Variants in MAP3K1 observed in about 807,000 individuals in gnomAD.
MAP3K1 encodes MAP/ERK kinase kinase 1.
A neutral mutation model predicts 144.2 loss-of-function variants in MAP3K1; 36 were observed. The ratio of observed to expected loss-of-function variants is 0.25; its 90% CI spans 0.19 to 0.33. MAP3K1 has a LOEUF of 0.33. Among genes scored for constraint, MAP3K1 ranks in the 10% least tolerant of loss-of-function variants. The pLI is 1.00. For missense variants in MAP3K1, 1,650 were observed against 1,881.9 expected (o/e 0.88, Z 2.28); for synonymous variants, 718 against 688.7 (o/e 1.04, Z -0.67).
intron 1 of MAP3K1, among the ~76,000 whole-genome samples, chr5:56,849,281 G>A (rs1747092005): frequency 6.6e-6 from 1 of 151,814 alleles, no homozygotes; most frequent in African/African-American, 2.4e-5. Context: ...ATTGGGAAGT[G>A]GAGGTTGCAG....
intron 1 of MAP3K1, among the ~76,000 whole-genome samples, chr5:56,829,306 C>T (rs903942680): frequency 2.0e-5 from 3 of 151,644 alleles, no homozygotes; most frequent in Non-Finnish European, 4.4e-5. Context: ...CTTCAGCCTC[C>T]TGCGTAGCTG....
chr5:56,882,943 C>G, intron 14 of MAP3K1, 77 bp downstream of exon 14: 4 of 1,158,172 alleles, frequency 3.5e-6, no homozygotes, highest in African/African-American at 1.5e-5. Context: ...AATTCCAGCA[C>G]TTGGGGAGGC....
rs1211934332 is a variant in MAP3K1, at chr5:56,816,002, C to T, written c.429C>T (p.Pro143=). The stretch of plus-strand genomic sequence containing the variant: ...CCTCGAGTCCCGCAGCGGCCGAGCC[C>T]GGGGAGAAGCGGGCGCCCGCCGCCG... ...SGASSPAAAE[P]GEKRAPAAEP... The change falls in exon 1 of 20, where the codon CCC becomes CCT. Residue 143 remains proline, a synonymous_variant. Transcript: ENST00000399503. 4 of 1,226,530 alleles carry T rather than the reference C, an allele frequency of 3.3e-6. No homozygotes were observed. In the African/African-American group the frequency reaches 4.7e-5, roughly 14 times the overall value. 76.0% of individuals were successfully genotyped at this position (1,226,530 alleles called of 1,614,324 possible).
chr5:56,826,128 C>T (rs1746306437), intron 1 of MAP3K1, among the ~76,000 whole-genome samples: 2 of 152,178 alleles, frequency 1.3e-5, no homozygotes, highest in African/African-American at 4.8e-5. Context: ...TCTTTCTCGG[C>T]GTGCCCAATG....
intron 10 of MAP3K1, 136 bp downstream of exon 10, chr5:56,875,446 T>G: frequency 1.1e-6 from 1 of 889,364 alleles, no homozygotes; most frequent in Non-Finnish European, 1.8e-6. Context: ...ATTCCATAAT[T>G]CCAGGAAATT....
chr5:56,893,343 A>G (rs753700780), intron 19 of MAP3K1, among the ~76,000 whole-genome samples, 188 bp from the exon 20 acceptor site: 1 of 152,236 alleles, frequency 6.6e-6, no homozygotes, highest in Non-Finnish European at 1.5e-5. Flanking sequence ...AAAGATTGTT[A>G]GAGAAAACCT....
chr5:56,884,960 T>C, intron 16 of MAP3K1, 134 bp downstream of exon 16: 1 of 706,986 alleles, frequency 1.4e-6, no homozygotes, highest in Non-Finnish European at 2.4e-6. Flanking sequence ...CCCAATATAT[T>C]AGTATGAACC....
At chr5:56,875,854 A>G (rs539317403) in intron 10 of MAP3K1, among the ~76,000 whole-genome samples, 1 of 152,188 alleles carries the variant, frequency 6.6e-6, no homozygotes, top group Non-Finnish European at 1.5e-5. Context: ...TTGGGATGGC[A>G]GAGTCATCAA....
intron 1 of MAP3K1, among the ~76,000 whole-genome samples, chr5:56,836,877 C>T (rs1351869622): frequency 6.6e-6 from 1 of 152,152 alleles, no homozygotes; most frequent in African/African-American, 2.4e-5. Flanking sequence ...TTTTGATTTA[C>T]CTTAATCCAT....
At chr5:56,820,508 A>G (rs891316409) in intron 1 of MAP3K1, 3 of 985,184 alleles carry the variant, frequency 3.0e-6, no homozygotes, top group Non-Finnish European at 2.4e-6. Context: ...CTGGCCTTGT[A>G]TATGTAATAC....
chr5:56,891,150 C>G (rs369721033), intron 19 of MAP3K1, among the ~76,000 whole-genome samples: 1 of 6,496 alleles, frequency 1.5e-4, no homozygotes, highest in Non-Finnish European at 1.0e-3. Context: ...ACACACACAC[C>G]CCCCCCCCCC....
chr5:56,895,630 T>C lies in MAP3K1; in HGVS notation c.*1950T>C, dbSNP rs1392703570. ...ATTTCAAAATCCATTGTGTTTGAGT[T>C]TGTTTGCAGTTCCCTCAGCTTGCTG... On this transcript the variant is annotated 3_prime_UTR_variant, in exon 20 of 20. Transcript: ENST00000399503. 2 of 232,476 alleles carry C rather than the reference T, an allele frequency of 8.6e-6. No homozygotes were observed. Among genetic ancestry groups the C allele is most frequent in the African/African-American group, 2.2e-5 (1 of 45,326 alleles). The allele number at this position is 232,476 out of a possible 1,614,324, so 14.4% of individuals were successfully genotyped here.
At chr5:56,867,049 C>T (rs1304661108) in intron 6 of MAP3K1, among the ~76,000 whole-genome samples, 1 of 152,172 alleles carries the variant, frequency 6.6e-6, no homozygotes, top group Non-Finnish European at 1.5e-5. Context: ...TCTCCAGCCT[C>T]CTGAACTCCT....
rs551904898 is a variant in MAP3K1, at chr5:56,855,966, G to A, written c.483-634G>A. 3.3e-5 allele frequency among the ~76,000 whole-genome samples: 5 copies of A among 152,242 alleles called. No individual in the cohort carries two copies. The East Asian group carries it at 7.7e-4, about 23-fold the overall frequency. On this transcript the variant is annotated intron_variant, in intron 1 of 19. Transcript: ENST00000399503. ...GGCTTTGTAGAGTTAATTCTCAAAC[G>A]TTCTTAGTTTAGAGATTGTTTTATT...
chr5:56,866,794 T>C (rs1747688864), intron 6 of MAP3K1, among the ~76,000 whole-genome samples: 1 of 152,182 alleles, frequency 6.6e-6, no homozygotes, highest in Non-Finnish European at 1.5e-5. Flanking sequence ...GTTTTCTTCA[T>C]CTGTGGAAAA....
intron 1 of MAP3K1, among the ~76,000 whole-genome samples, chr5:56,835,723 A>C (rs1746634114): frequency 6.6e-6 from 1 of 151,736 alleles, no homozygotes; most frequent in Non-Finnish European, 1.5e-5. Flanking sequence ...TAAGATAAAA[A>C]GGGGGGGAAT....
chr5:56,842,796 C>G (rs1020051080), intron 1 of MAP3K1, among the ~76,000 whole-genome samples: 1 of 152,028 alleles, frequency 6.6e-6, no homozygotes, highest in African/African-American at 2.4e-5. Flanking sequence ...TAATCCTGGT[C>G]GCTACTTTAT....
Position 56,882,447 on chromosome 5 carries a change from C to G in MAP3K1, c.3247C>G (p.Leu1083Val), listed in dbSNP as rs200508518. The change falls in exon 14 of 20, where the codon CTT becomes GTT. Residue 1083 changes from leucine to valine, a missense_variant. By Grantham distance (32) the Leu-to-Val change is conservative. This residue lies in a region of MAP3K1 where 841 missense variants were observed against 886.5 expected (regional missense o/e 0.95). Transcript: ENST00000399503. ...AGATCCCTCAAAAAATAGCATGACA[C>G]TTGATCTGAACAGTAGTTCCAAATG... The part of the protein sequence containing the change: ...QGDPSKNSMT[L>V]DLNSSSKCDD... 2 of 1,614,166 alleles carry G rather than the reference C, an allele frequency of 1.2e-6. No individual in the cohort carries two copies. Among genetic ancestry groups the G allele is most frequent in the Admixed American group, 1.7e-5 (1 of 60,010 alleles).
chr5:56,842,331 CTG>C (rs1192766772), intron 1 of MAP3K1: 1 of 152,200 alleles, frequency 6.6e-6, no homozygotes, highest in Non-Finnish European at 1.5e-5. Context: ...TCGTAGAGAG[CTG>C]GTTTTGAAAC....
Sources: gnomAD v4.1 joint callset for allele counts (sites outside exome capture counted in the v4.1 genomes callset) on GRCh38, gnomAD v4.1.1 for gene constraint, gnomAD v4.1.1 regional missense constraint, MANE v1.5 for transcripts, NCBI Gene and HGNC (gene_info 2026-07-23, HGNC 2026-07-21) for gene names.